STK3: variants seen among roughly 807,000 people sequenced by gnomAD.
STK3 encodes serine/threonine-protein kinase 3.
Under a neutral mutation model 58.0 loss-of-function variants are expected in STK3, and 41 were observed. The ratio of observed to expected loss-of-function variants is 0.71; its 90% CI spans 0.55 to 0.92. The LOEUF is 0.92. STK3 is among the 40% of genes least tolerant of loss of function. The pLI, the probability that STK3 is intolerant of heterozygous loss-of-function variation, is 0.00. For synonymous variants in STK3, 170 were observed against 191.0 expected, an observed-to-expected ratio of 0.89 and a Z score of 0.91; for missense variants, 479 against 602.7, an observed-to-expected ratio of 0.79 and a Z score of 2.15.
intron 3 of STK3, among the ~76,000 whole-genome samples, chr8:98,421,954 C>T (rs1238201520): frequency 6.6e-6 from 1 of 152,132 alleles, no homozygotes; most frequent in Non-Finnish European, 1.5e-5. Flanking sequence ...TCCAACCCCA[C>T]AGGTGTGGGC....
intron 1 of STK3, among the ~76,000 whole-genome samples, chr8:98,779,263 C>G (rs1831929958): frequency 6.6e-6 from 1 of 152,290 alleles, no homozygotes; most frequent in Middle Eastern, 3.4e-3. Context: ...TAGAGGTATT[C>G]TGGTAATGCC....
chr8:98,584,560 C>T (rs1461655300), intron 7 of STK3, among the ~76,000 whole-genome samples: 6 of 148,634 alleles, frequency 4.0e-5, no homozygotes, highest in Non-Finnish European at 7.5e-5. Context: ...AATAAACATA[C>T]GTGTGCATGT....
At chr8:98,621,752 G>A (rs1403622409) in intron 6 of STK3, among the ~76,000 whole-genome samples, 22 of 151,964 alleles carry the variant, frequency 1.4e-4, no homozygotes, top group Non-Finnish European at 5.9e-5. Flanking sequence ...TCTTAAGGTG[G>A]AAGCTCAGAG....
chr8:98,426,276 A>G (rs1392622866), intron 3 of STK3, among the ~76,000 whole-genome samples: 2 of 152,108 alleles, frequency 1.3e-5, no homozygotes, highest in Admixed American at 6.5e-5. Flanking sequence ...GCGCTGACAC[A>G]CGTCCCAGGT....
chr8:98,373,770 C>G (rs1177282743), intron 2 of STK3, among the ~76,000 whole-genome samples: 1 of 152,134 alleles, frequency 6.6e-6, no homozygotes, highest in Non-Finnish European at 1.5e-5. Flanking sequence ...TATAACTTAT[C>G]CTGTCATCCT....
intron 6 of STK3, among the ~76,000 whole-genome samples, chr8:98,704,540 C>A (rs1166777578): frequency 4.0e-5 from 6 of 149,674 alleles, no homozygotes; most frequent in African/African-American, 1.5e-4. Context: ...CAAGTTGGGA[C>A]TTGAAAAACT....
intron 6 of STK3, among the ~76,000 whole-genome samples, chr8:98,659,196 T>A (rs901289342): frequency 2.0e-5 from 3 of 152,072 alleles, no homozygotes; most frequent in African/African-American, 7.2e-5. Flanking sequence ...TTTCATACAA[T>A]TTTTCATTAT....
At chr8:98,804,145 G>T (rs1833761199) in intron 1 of STK3, among the ~76,000 whole-genome samples, 1 of 152,070 alleles carries the variant, frequency 6.6e-6, no homozygotes, top group African/African-American at 2.4e-5. Context: ...GGGATTACAG[G>T]TGTACACCAC....
intron 6 of STK3, among the ~76,000 whole-genome samples, chr8:98,599,122 A>G (rs1435397836): frequency 1.3e-5 from 2 of 152,236 alleles, no homozygotes; most frequent in Non-Finnish European, 2.9e-5. Context: ...AATTCATGCT[A>G]TTATTTAAGA....
rs2096169016 is a variant in STK3, at chr8:98,778,665, T to C, written c.27-3846A>G. ...ACAATGATAGACTGGATTAAGAAAATGTGGTACATATACACCATGGAATAC... is the reference window on the plus strand; with the variant it reads ...ACAATGATAGACTGGATTAAGAAAACGTGGTACATATACACCATGGAATAC... On this transcript the variant is annotated intron_variant, in intron 1 of 10. Transcript: ENST00000419617. Among the ~76,000 whole-genome samples the C allele has an allele frequency of 2.0e-5, 3 of 152,112 alleles. No individual in the cohort carries two copies. The South Asian group carries it at 6.2e-4, about 32-fold the overall frequency.
At chr8:98,902,680 G>A (rs1838703049) in intron 1 of STK3, among the ~76,000 whole-genome samples, 1 of 152,180 alleles carries the variant, frequency 6.6e-6, no homozygotes. Context: ...ATGGAAACCA[G>A]GGATCATTTA....
chr8:98,638,282 T>C (rs1169666814), intron 6 of STK3, among the ~76,000 whole-genome samples: 1 of 152,240 alleles, frequency 6.6e-6, no homozygotes, highest in Non-Finnish European at 1.5e-5. Context: ...TCTCCAAATA[T>C]GTAAACTAGC....
chr8:98,563,623 A>G (rs1812240305), intron 8 of STK3, among the ~76,000 whole-genome samples: 1 of 152,172 alleles, frequency 6.6e-6, no homozygotes, highest in South Asian at 2.1e-4. Flanking sequence ...GGAACAGGAA[A>G]TATACAAGAT....
the STK3 span, among the ~76,000 whole-genome samples, chr8:98,364,237 G>A: frequency 1.3e-5 from 2 of 152,182 alleles, no homozygotes; most frequent in Non-Finnish European, 2.9e-5. Flanking sequence ...CTCACATACA[G>A]CGCCTCTCAC....
chr8:98,924,439 G>A (rs1187356673), intron 1 of STK3, among the ~76,000 whole-genome samples: 1 of 152,150 alleles, frequency 6.6e-6, no homozygotes, highest in Non-Finnish European at 1.5e-5. Flanking sequence ...TTATTTCTAT[G>A]GGCTCCTTCT....
chr8:98,494,115 T>C (rs1822927365), intron 10 of STK3, among the ~76,000 whole-genome samples: 1 of 152,220 alleles, frequency 6.6e-6, no homozygotes, highest in South Asian at 2.1e-4. Context: ...TCAATGGCTT[T>C]CAGTTATCCA....
chr8:98,935,848 A>G (rs1199101737), intron 1 of STK3, among the ~76,000 whole-genome samples: 1 of 152,230 alleles, frequency 6.6e-6, no homozygotes, highest in Admixed American at 6.5e-5. Context: ...GTTAATGGGT[A>G]AGAAAAAGTC....
chr8:98,502,209 CT>C (rs896024868), intron 10 of STK3, among the ~76,000 whole-genome samples: 9 of 152,084 alleles, frequency 5.9e-5, no homozygotes, highest in African/African-American at 1.7e-4. Flanking sequence ...CTCTGTTTGT[CT>C]GTTATTGGTG....
chr8:98,385,957 A>C (rs1469451111), intron 1 of STK3, among the ~76,000 whole-genome samples: 2 of 152,168 alleles, frequency 1.3e-5, no homozygotes, highest in East Asian at 3.8e-4. Context: ...GCAATGAGCC[A>C]AGAGATGTGT....
Sources: gnomAD v4.1 joint callset for allele counts (sites outside exome capture counted in the v4.1 genomes callset) on GRCh38, gnomAD v4.1.1 for gene constraint, MANE v1.5 for transcripts, NCBI Gene and HGNC (gene_info 2026-07-23, HGNC 2026-07-21) for gene names.